Variants in PDE10A observed in about 807,000 individuals in gnomAD.
The protein encoded by PDE10A is cAMP and cAMP-inhibited cGMP 3',5'-cyclic phosphodiesterase 10A.
In PDE10A, 39 loss-of-function variants were observed where a neutral mutation model predicts 97.7. That is an observed-to-expected ratio of 0.40 (90% confidence interval 0.31 to 0.52). PDE10A has a LOEUF of 0.52. Ranked by LOEUF, PDE10A falls within the 20% of genes least tolerant of loss-of-function variation. PDE10A has a pLI of 0.56. For synonymous variants in PDE10A, 371 were observed against 376.8 expected (o/e 0.98, Z 0.18); for missense variants, 731 against 1,047.8 (o/e 0.70, Z 4.17).
intron 1 of PDE10A, among the ~76,000 whole-genome samples, chr6:165,765,379 G>C (rs918289208): frequency 2.0e-5 from 3 of 152,256 alleles, no homozygotes; most frequent in African/African-American, 7.2e-5. Context: ...GGAGCCCACG[G>C]AGGCGGGGGA....
intron 1 of PDE10A, among the ~76,000 whole-genome samples, chr6:165,756,726 T>C (rs1356898586): frequency 6.6e-6 from 1 of 152,082 alleles, no homozygotes; most frequent in African/African-American, 2.4e-5. Flanking sequence ...GTTTCCAGTT[T>C]TCACGGGTAT....
intron 1 of PDE10A, among the ~76,000 whole-genome samples, chr6:165,634,668 C>T (rs151014948): frequency 6.6e-4 from 101 of 152,252 alleles, no homozygotes; most frequent in African/African-American, 2.4e-3. Context: ...ACACAGGCTA[C>T]GGAGAAGCCA....
rs187866770 is a variant in PDE10A, at chr6:165,596,367, A to G, written c.866-52799T>C. Among the ~76,000 whole-genome samples the G allele has an allele frequency of 3.3e-5, 5 of 152,206 alleles. No homozygotes were observed. In the East Asian group the frequency reaches 9.7e-4, roughly 29 times the overall value. On this transcript the variant is annotated intron_variant, in intron 1 of 21. Transcript: ENST00000539869. ...TCCCTGCGTCTGCCCTTTTTCTCCT[A>G]CAGTCGGTTCTCAATACAGTAGCCA...
At chr6:165,405,506 A>C (rs998728871) in intron 13 of PDE10A, among the ~76,000 whole-genome samples, 9 of 152,232 alleles carry the variant, frequency 5.9e-5, no homozygotes, top group African/African-American at 2.2e-4. Flanking sequence ...ACTATGGACT[A>C]TGCACTGTTC....
chr6:165,508,409 T>C (rs1011216037), intron 2 of PDE10A, among the ~76,000 whole-genome samples: 22 of 152,028 alleles, frequency 1.4e-4, no homozygotes, highest in Non-Finnish European at 2.5e-4. Context: ...ATTCTTTTTA[T>C]TGAAGAGTAG....
chr6:165,674,530 G>A lies in PDE10A; in HGVS notation c.-614-130962C>T, dbSNP rs1305937172. ...AACCGTGAGACCACTGCCTGGCTTA[G>A]AGCAAATGCCCGCCAACGACTGGCT... On this transcript the variant is annotated intron_variant, in intron 1 of 19. Coordinates refer to the PDE10A transcript ENST00000366882. Among the ~76,000 whole-genome samples, 3 of 152,306 alleles carry A rather than the reference G, an allele frequency of 2.0e-5. No individual in the cohort carries two copies. In the South Asian group the frequency reaches 6.2e-4, roughly 32 times the overall value.
At chr6:165,699,213 A>G (rs1429862202) in intron 1 of PDE10A, among the ~76,000 whole-genome samples, 1 of 152,252 alleles carries the variant, frequency 6.6e-6, no homozygotes, top group Non-Finnish European at 1.5e-5. Flanking sequence ...CAGACAAAAT[A>G]AACTTTAATA....
At chr6:165,384,844 C>G (rs1369112434) in intron 17 of PDE10A, among the ~76,000 whole-genome samples, 4 of 152,066 alleles carry the variant, frequency 2.6e-5, no homozygotes, top group Admixed American at 2.6e-4. Flanking sequence ...TAATAAGCAG[C>G]CACATATGCA....
chr6:165,773,163 C>T lies in PDE10A; in HGVS notation c.-615+214366G>A, dbSNP rs74912041. The T allele has an allele frequency of 2.3e-3, 345 of 152,346 alleles. 1 individual carries two copies. The highest frequency in any genetic ancestry group is 7.7e-3 in the African/African-American group (319 of 41,590). The allele number at this position is 152,346 out of a possible 1,614,324, so 9.4% of individuals were successfully genotyped here. A position where few individuals can be genotyped will look rare whatever the true frequency, so the allele number is the denominator to read the frequency against. ...CACATCCGTATCTGGTCGCTTCCAA[C>T]TTTGGCAGAAGAAATAATCATTTCT... On this transcript the variant is annotated intron_variant, in intron 1 of 19. Coordinates refer to the PDE10A transcript ENST00000366882.
chr6:165,524,131 C>T (rs1782289894), intron 2 of PDE10A, among the ~76,000 whole-genome samples: 1 of 152,148 alleles, frequency 6.6e-6, no homozygotes, highest in Non-Finnish European at 1.5e-5. Flanking sequence ...CTCCTTGCTC[C>T]TCAGCCGGCA....
chr6:165,506,778 T>C (rs1781216790), intron 2 of PDE10A, among the ~76,000 whole-genome samples: 1 of 152,140 alleles, frequency 6.6e-6, no homozygotes, highest in Non-Finnish European at 1.5e-5. Context: ...GTAGAGTATT[T>C]TTACTGGCAC....
chr6:165,634,362 G>A (rs2128416542), intron 1 of PDE10A, among the ~76,000 whole-genome samples: 1 of 152,238 alleles, frequency 6.6e-6, no homozygotes, highest in South Asian at 2.1e-4. Flanking sequence ...GGCTTTCTAG[G>A]AGAAACCTCA....
rs749085869 is a variant in PDE10A at position 165,332,245 on chromosome 6, C to T, written c.*780G>A. 24 of 152,122 alleles carry T rather than the reference C, an allele frequency of 1.6e-4. No homozygotes were observed. Among genetic ancestry groups the T allele is most frequent in the Admixed American group, 6.5e-5 (1 of 15,278 alleles). The allele number at this position is 152,122 out of a possible 1,614,324, so 9.4% of individuals were successfully genotyped here. On this transcript the variant is annotated 3_prime_UTR_variant, in exon 22 of 22. Coordinates refer to ENST00000539869, the MANE Select transcript of PDE10A (RefSeq NM_001385079.1). ...AAAGGGTTCAGTAAAACTGCCAAGA[C>T]AACAACAAAAACAATTTTAAAAACT...
chr6:165,894,650 A>C, intron 1 of PDE10A: 1 of 414,754 alleles, frequency 2.4e-6, no homozygotes, highest in Non-Finnish European at 4.9e-6. Context: ...CCCACCGAGC[A>C]TGGGGCTGGC....
chr6:165,658,942 A>G (rs979050485), intron 1 of PDE10A, among the ~76,000 whole-genome samples: 10 of 152,292 alleles, frequency 6.6e-5, no homozygotes, highest in Admixed American at 2.0e-4. Context: ...CTCTGTCTCT[A>G]TTACTGGATG....
chr6:165,484,702 G>A (rs894670693), intron 2 of PDE10A, among the ~76,000 whole-genome samples: 7 of 152,234 alleles, frequency 4.6e-5, no homozygotes, highest in African/African-American at 1.7e-4. Flanking sequence ...GCTGCATCTG[G>A]CTGGTGGCAG....
chr6:165,593,799 G>A (rs2987298), intron 1 of PDE10A, among the ~76,000 whole-genome samples: 107,933 of 152,056 alleles, frequency 0.71, 40,172 homozygotes, highest in Non-Finnish European at 0.83. Context: ...TTCTGAGTAC[G>A]TTAAGGATGC....
chr6:165,862,363 T>A (rs746347050), intron 1 of PDE10A, among the ~76,000 whole-genome samples: 1 of 152,194 alleles, frequency 6.6e-6, no homozygotes, highest in South Asian at 2.1e-4. Flanking sequence ...ATAAATAGGA[T>A]GCTTTGCAAA....
rs559403372 is a variant in PDE10A, at chr6:165,709,139, C to G, written c.-614-165571G>C. Among the ~76,000 whole-genome samples, 31 of 138,818 alleles carry G rather than the reference C, an allele frequency of 2.2e-4. No homozygotes were observed. The South Asian group carries it at 5.5e-3, about 25-fold the overall frequency. 91.1% of individuals were successfully genotyped at this position (138,818 alleles called of 152,430 possible). On this transcript the variant is annotated intron_variant, in intron 1 of 19. Coordinates refer to the PDE10A transcript ENST00000366882. ...CACTTTCCGCCTCCATGCTCCCACG[C>G]TCTGTCCCCACTCTCCACCTCCATG...
Sources: allele counts gnomAD v4.1 joint callset (sites outside exome capture counted in the v4.1 genomes callset), GRCh38; gene constraint gnomAD v4.1.1; transcripts MANE v1.5; gene names NCBI Gene and HGNC (gene_info 2026-07-23, HGNC 2026-07-21).